The following APOL3 variants were observed in gnomAD, a reference collection of about 807,000 sequenced individuals.
APOL3 encodes apolipoprotein L3, also known as TNF-inducible protein CG12-1.
APOL3 carries 14 observed loss-of-function variants against 11.6 expected under a neutral mutation model. That is an observed-to-expected ratio of 1.21 (90% CI 0.80 to 1.89). The LOEUF is 1.89. Ranked by LOEUF, APOL3 falls within the 40% of genes most tolerant of loss-of-function variation. The pLI, the probability that APOL3 is intolerant of heterozygous loss-of-function variation, is 0.00. For missense variants in APOL3, 483 were observed against 492.1 expected, an observed-to-expected ratio of 0.98 and a Z score of 0.17; for synonymous variants, 192 against 190.6, an observed-to-expected ratio of 1.01 and a Z score of -0.06.
intron 1 of APOL3, among the ~76,000 whole-genome samples, chr22:36,150,800 G>A (rs764215599): frequency 2.0e-5 from 3 of 152,272 alleles, no homozygotes; most frequent in Non-Finnish European, 2.9e-5. Flanking sequence ...CAGGAGAATC[G>A]CTTGAACCCA....
At chr22:36,141,363 A>G in exon 3 of APOL3, 2 of 1,614,184 alleles carry the variant, frequency 1.2e-6, no homozygotes, top group Non-Finnish European at 1.7e-6. Flanking sequence ...ATCCAGTGCA[A>G]GGAAGATGCC....
chr22:36,164,431 C>T (rs2013808567), upstream of APOL3, among the ~76,000 whole-genome samples: 1 of 152,224 alleles, frequency 6.6e-6, no homozygotes, highest in African/African-American at 2.4e-5. Flanking sequence ...ATCTGTAATA[C>T]TATCTGACTA....
At chr22:36,151,255 C>A (rs962180143) in intron 1 of APOL3, among the ~76,000 whole-genome samples, 6 of 152,092 alleles carry the variant, frequency 3.9e-5, no homozygotes, top group African/African-American at 1.4e-4. Flanking sequence ...GGACCTGCCC[C>A]TTTCTTTAAT....
Position 36,156,620 on chromosome 22 carries a change from T to TC in APOL3, c.223+4048dup, listed in dbSNP as rs1046125099. 2.8e-5 allele frequency: 6 copies of TC among 216,042 alleles called. No individual in the cohort carries two copies. The Admixed American group carries it at 2.9e-4, about 10-fold the overall frequency. The allele number at this position is 216,042 out of a possible 1,614,324, so 13.4% of individuals were successfully genotyped here. A position where few individuals can be genotyped will look rare whatever the true frequency, so the allele number is the denominator to read the frequency against. Reference sequence around the variant, plus strand: ...GGCTGCTCCCTCCCCTTGGAATGCCTCCCCCACCTTCCCCACCATGTGCAA... The same window carrying TC: ...GGCTGCTCCCTCCCCTTGGAATGCCTCCCCCCACCTTCCCCACCATGTGCAA... On this transcript the variant is annotated intron_variant, in intron 1 of 2. Transcript: ENST00000349314.
intron 1 of APOL3, chr22:36,154,436 G>C (rs1262495284): frequency 2.8e-6 from 1 of 358,742 alleles, no homozygotes; most frequent in Non-Finnish European, 5.6e-6. Flanking sequence ...CAGGGTACTT[G>C]AAATGCAAAG....
chr22:36,142,487 G>A (rs1386721969), intron 2 of APOL3, among the ~76,000 whole-genome samples: 5 of 152,114 alleles, frequency 3.3e-5, no homozygotes, highest in Admixed American at 6.5e-5. Context: ...AAGAGAGGTC[G>A]TTCTTTTGTC....
chr22:36,146,738 A>T (rs1006137232), intron 1 of APOL3, among the ~76,000 whole-genome samples: 1 of 152,124 alleles, frequency 6.6e-6, no homozygotes, highest in African/African-American at 2.4e-5. Flanking sequence ...CAAAGGTACA[A>T]ATGTTTCAAC....
At chr22:36,141,880 T>C in exon 3 of APOL3, 1 of 1,614,222 alleles carries the variant, frequency 6.2e-7, no homozygotes, top group East Asian at 2.2e-5. Context: ...ACCTCTTCAA[T>C]ACCATTTGCA....
chr22:36,158,679 C>T (rs867677295), intron 1 of APOL3, among the ~76,000 whole-genome samples: 5 of 151,978 alleles, frequency 3.3e-5, no homozygotes, highest in Admixed American at 1.3e-4. Flanking sequence ...ATTAGCCGGG[C>T]GTGGTGGCAC....
chr22:36,142,150 T>TATTA, intron 2 of APOL3, 92 bp from the exon 4 acceptor site: 5 of 1,358,276 alleles, frequency 3.7e-6, no homozygotes, highest in Non-Finnish European at 4.9e-6. Flanking sequence ...ATCACAGAGC[T>TATTA]ATTACTATGA....
chr22:36,157,268 ACT>A (rs1478591663), intron 1 of APOL3, among the ~76,000 whole-genome samples: 1 of 152,036 alleles, frequency 6.6e-6, no homozygotes, highest in Non-Finnish European at 1.5e-5. Context: ...GGTCCATGAC[ACT>A]CTTATGCAGC....
chr22:36,144,825 C>T (rs1423297193), intron 2 of APOL3, among the ~76,000 whole-genome samples: 8 of 151,870 alleles, frequency 5.3e-5, no homozygotes, highest in African/African-American at 7.2e-5. Context: ...CTGGCTAACA[C>T]GATGAAACCC....
intron 1 of APOL3, among the ~76,000 whole-genome samples, chr22:36,156,220 G>C (rs1189031295): frequency 6.6e-6 from 1 of 151,798 alleles, no homozygotes; most frequent in Non-Finnish European, 1.5e-5. Context: ...TCATCCTTCT[G>C]AGTAGTGGGA....
chr22:36,160,068 A>C (rs1413278405), intron 1 of APOL3, among the ~76,000 whole-genome samples: 1 of 152,030 alleles, frequency 6.6e-6, no homozygotes, highest in Non-Finnish European at 1.5e-5. Context: ...TTTTTAGTAG[A>C]GGCAGGGTTT....
chr22:36,145,531 T>C (rs1024388364), exon 2 of APOL3: 6 of 1,614,076 alleles, frequency 3.7e-6, no homozygotes, highest in Non-Finnish European at 5.1e-6. Context: ...GTCAGCAGGA[T>C]TTGCAGATGC....
At chr22:36,156,692 C>T (rs756964376) in intron 1 of APOL3, 14 of 276,926 alleles carry the variant, frequency 5.1e-5, no homozygotes, top group Admixed American at 8.0e-5. Context: ...GACCCTGCAG[C>T]GTCCCCCAGC....
chr22:36,142,546 T>C (rs2060037153), intron 2 of APOL3, among the ~76,000 whole-genome samples: 2 of 152,216 alleles, frequency 1.3e-5, no homozygotes, highest in Admixed American at 1.3e-4. Flanking sequence ...TCCTGCCTGG[T>C]AGGAACATCT....
intron 1 of APOL3, chr22:36,156,734 CG>C: frequency 3.3e-6 from 1 of 301,736 alleles, no homozygotes; most frequent in Non-Finnish European, 6.8e-6. Flanking sequence ...CTCTGCTTTC[CG>C]GGGGCAGCTC....
chr22:36,157,969 G>A (rs760269957), intron 1 of APOL3, among the ~76,000 whole-genome samples: 3 of 152,162 alleles, frequency 2.0e-5, no homozygotes, highest in Non-Finnish European at 2.9e-5. Flanking sequence ...AGAATTGCTT[G>A]AACCCCGGAG....
Sources: allele counts gnomAD v4.1 joint callset (sites outside exome capture counted in the v4.1 genomes callset), GRCh38; gene constraint gnomAD v4.1.1; transcripts MANE v1.5; gene names NCBI Gene and HGNC (gene_info 2026-07-23, HGNC 2026-07-21).